The following TRPM5 variants were observed in gnomAD, a reference collection of about 807,000 sequenced individuals.
The protein encoded by TRPM5 is transient receptor potential cation channel subfamily M member 5.
A neutral mutation model predicts 124.9 loss-of-function variants in TRPM5; 121 were observed. The observed-to-expected ratio is 0.97, with a 90% CI of 0.84 to 1.13. The LOEUF (loss-of-function observed/expected upper bound fraction) is 1.13, where lower values mean the gene tolerates loss of function less well. Among genes scored for constraint, TRPM5 ranks in the 50% most tolerant of loss-of-function variants. The pLI is 0.00. For synonymous variants in TRPM5, 781 were observed against 700.5 expected (o/e 1.11, Z -1.81); for missense variants, 1,643 against 1,589.1 (o/e 1.03, Z -0.58).
At chr11:2,442,692 TGAG>T in the TRPM5 span, among the ~76,000 whole-genome samples, 4 of 152,252 alleles carry the variant, frequency 2.6e-5, no homozygotes, top group African/African-American at 9.6e-5. This position sits in a 1 kb window ranked among gnomAD's most constrained non-coding sequence, Gnocchi z 5.9. Flanking sequence ...CTACCAGTGA[TGAG>T]GAGTGCACCT....
At chr11:2,434,335 C>CTG in the TRPM5 span, among the ~76,000 whole-genome samples, 1 of 132,116 alleles carries the variant, frequency 7.6e-6, no homozygotes, top group African/African-American at 2.9e-5. Flanking sequence ...TGTGCAAATG[C>CTG]TGTGTGTGTG....
intron 3 of TRPM5, among the ~76,000 whole-genome samples, chr11:2,420,744 C>T (rs1284316098): frequency 6.6e-6 from 1 of 152,216 alleles, no homozygotes; most frequent in African/African-American, 2.4e-5. Context: ...TCGGTAGTGC[C>T]TTAGACAGAC....
At chr11:2,414,725 C>G (rs751418257) in exon 11 of TRPM5, 1 of 1,540,232 alleles carries the variant, frequency 6.5e-7, no homozygotes, top group East Asian at 2.5e-5. Context: ...CAAGGGCCAG[C>G]CGCTCGTATT....
In TRPM5 at chr11:2,415,399, C is replaced by T. The variant is rs766000995; in HGVS notation, c.1201G>A (p.Asp401Asn). Residue 401 changes from aspartate to asparagine, a missense_variant, in exon 9 of 24, where the codon GAC (aspartate) becomes AAC (asparagine). Physicochemically the swap from Asp to Asn is conservative, Grantham distance 23 (BLOSUM62 1). Coordinates refer to ENST00000155858, the Ensembl canonical transcript of TRPM5. ...AAGTCGGCCACGTCTGCGCCGTTGT[C>T]CACAAAGAGGCGCACAAACTCGGGC... is the stretch of plus-strand genomic sequence containing the variant. 3 of 1,593,306 alleles carry T rather than the reference C, an allele frequency of 1.9e-6. No individual in the cohort carries two copies. In the African/African-American group the frequency reaches 4.0e-5, roughly 21 times the overall value.
At chr11:2,421,676 C>A (rs1468310054) in intron 2 of TRPM5, among the ~76,000 whole-genome samples, 1 of 152,230 alleles carries the variant, frequency 6.6e-6, no homozygotes, top group Non-Finnish European at 1.5e-5. Flanking sequence ...CAAGCTGCCT[C>A]AAAAAACAGC....
chr11:2,406,004 C>A lies in TRPM5; in HGVS notation c.3324+15G>T. On this transcript the variant is annotated intron_variant, in intron 22 of 23. Transcript: ENST00000155858. ...CCGCCTCCCATCAGGGAGAGGAGCT[C>A]TGGGGCTCGCTTGCCTGTGACTCCA... 1 of 1,608,812 alleles carries A rather than the reference C, an allele frequency of 6.2e-7. No homozygotes were observed. Among genetic ancestry groups the A allele is most frequent in the Non-Finnish European group, 8.5e-7 (1 of 1,178,904 alleles).
At chr11:2,411,752 C>T (rs774273273) in exon 17 of TRPM5, 27 of 1,612,474 alleles carry the variant, frequency 1.7e-5, no homozygotes, top group East Asian at 4.5e-5. Context: ...CAGCCTCAAA[C>T]GCCGACGGCA....
At chr11:2,418,794 A>G (rs1442773088) in intron 4 of TRPM5, among the ~76,000 whole-genome samples, 1 of 152,208 alleles carries the variant, frequency 6.6e-6, no homozygotes, top group African/African-American at 2.4e-5. Context: ...AACCTACACT[A>G]CCCAGCACGC....
At chr11:2,416,198 T>A (rs113784185) in intron 7 of TRPM5, among the ~76,000 whole-genome samples, 174 bp from the exon 13 acceptor site, 18 of 152,328 alleles carry the variant, frequency 1.2e-4, no homozygotes, top group African/African-American at 4.3e-4. Flanking sequence ...CGAGACTTTG[T>A]ACAAACCGCA....
chr11:2,414,984 C>T lies in TRPM5; in HGVS notation c.1543G>A (p.Glu515Lys), dbSNP rs781201725. ...AGGAACAGGTCCCGCCAGGGGTTCTCGCTCTTCTGGTTCAGGTCCAGCAGC... is the reference window on the plus strand; with the variant it reads ...AGGAACAGGTCCCGCCAGGGGTTCTTGCTCTTCTGGTTCAGGTCCAGCAGC... The change falls in exon 10 of 24, where the codon GAG becomes AAG. Residue 515 changes from glutamate (E) to lysine (K), a missense_variant. Glu to Lys is a moderately conservative substitution (Grantham distance 56, BLOSUM62 1). Coordinates refer to ENST00000155858, the Ensembl canonical transcript of TRPM5. 37 of 1,606,860 alleles carry T rather than the reference C, an allele frequency of 2.3e-5. No homozygotes were observed. Among genetic ancestry groups the T allele is most frequent in the African/African-American group, 9.3e-5 (7 of 74,914 alleles).
intron 7 of TRPM5, among the ~76,000 whole-genome samples, chr11:2,417,253 C>T (rs1414128344): frequency 6.6e-6 from 1 of 152,144 alleles, no homozygotes; most frequent in East Asian, 1.9e-4. Context: ...AGATCGAGAC[C>T]ATCCTGGCTA....
chr11:2,432,789 C>T, the TRPM5 span, among the ~76,000 whole-genome samples: 3 of 152,282 alleles, frequency 2.0e-5, no homozygotes, highest in Admixed American at 2.0e-4. Flanking sequence ...CAGCATCTCC[C>T]TCTGAACCAC....
At chr11:2,415,602 C>T (rs758525882) in intron 8 of TRPM5, 131 bp from the exon 14 acceptor site, 38 of 686,342 alleles carry the variant, frequency 5.5e-5, no homozygotes, top group South Asian at 7.6e-5. Flanking sequence ...CAGACCCTCT[C>T]GCTCTCCTGC....
chr11:2,429,448 TTGGTGATGG>T, the TRPM5 span, among the ~76,000 whole-genome samples: 4 of 149,452 alleles, frequency 2.7e-5, no homozygotes, highest in Non-Finnish European at 5.9e-5. This position sits in a 1 kb window ranked among gnomAD's most constrained non-coding sequence, Gnocchi z 8.4. Flanking sequence ...TGTGGTGATG[TTGGTGATGG>T]TGGTGATGGA....
the TRPM5 span, among the ~76,000 whole-genome samples, chr11:2,438,606 G>A: frequency 6.6e-6 from 1 of 152,160 alleles, no homozygotes; most frequent in Non-Finnish European, 1.5e-5. The surrounding 1 kb of genome is among the most constrained non-coding windows in gnomAD (Gnocchi z 5.9). Context: ...GGTTGAGGCT[G>A]CAGTGAACCA....
At chr11:2,431,282 G>T in the TRPM5 span, among the ~76,000 whole-genome samples, 3 of 152,092 alleles carry the variant, frequency 2.0e-5, no homozygotes, top group Non-Finnish European at 4.4e-5. Context: ...CTAGTTCTGA[G>T]AGCGAGGGGC....
At chr11:2,405,475 C>A in intron 23 of TRPM5, 52 bp downstream of exon 28, 1 of 1,520,514 alleles carries the variant, frequency 6.6e-7, no homozygotes, top group Non-Finnish European at 8.9e-7. Flanking sequence ...CCAGCCGCTG[C>A]AGAGTGGGTG....
chr11:2,420,824 A>T (rs1048378390), intron 3 of TRPM5, among the ~76,000 whole-genome samples: 9 of 152,146 alleles, frequency 5.9e-5, no homozygotes, highest in African/African-American at 2.2e-4. Flanking sequence ...CGTGTGGTAC[A>T]GGAGGGGGTG....
chr11:2,424,137 C>A (rs905130198), upstream of TRPM5, among the ~76,000 whole-genome samples: 2 of 152,258 alleles, frequency 1.3e-5, no homozygotes, highest in African/African-American at 4.8e-5. Flanking sequence ...TCCCTTGGTT[C>A]TCCTGTGCCC....
Sources: gnomAD v4.1 joint callset for allele counts (sites outside exome capture counted in the v4.1 genomes callset) on GRCh38, gnomAD v4.1.1 for gene constraint, Gnocchi (gnomAD v3.1) non-coding constraint, MANE v1.5 for transcripts, NCBI Gene and HGNC (gene_info 2026-07-23, HGNC 2026-07-21) for gene names.